Variants in ARFIP1 observed in about 807,000 individuals in gnomAD.
ARFIP1 encodes the protein arfaptin-1.
In ARFIP1, 24 loss-of-function variants were observed where a neutral mutation model predicts 42.5. The ratio of observed to expected loss-of-function variants is 0.57; its 90% confidence interval spans 0.41 to 0.80. The LOEUF (loss-of-function observed/expected upper bound fraction) is 0.80, where lower values mean the gene tolerates loss of function less well. ARFIP1 is among the 30% of genes least tolerant of loss of function. The pLI is 0.00. For missense variants in ARFIP1, 354 were observed against 434.0 expected, an observed-to-expected ratio of 0.82 and a Z score of 1.64; for synonymous variants, 141 against 153.7, an observed-to-expected ratio of 0.92 and a Z score of 0.61.
At chr4:152,875,889 G>T (rs149492630) in intron 5 of ARFIP1, among the ~76,000 whole-genome samples, 1 of 151,908 alleles carries the variant, frequency 6.6e-6, no homozygotes, top group Admixed American at 6.6e-5. Flanking sequence ...TGCTATTCTC[G>T]TGATAGTGAA....
intron 3 of ARFIP1, among the ~76,000 whole-genome samples, chr4:152,865,279 G>A (rs1244589722): frequency 6.6e-6 from 1 of 152,010 alleles, no homozygotes; most frequent in African/African-American, 2.4e-5. Context: ...TGGGATTACA[G>A]GCGCCTGCCA....
intron 2 of ARFIP1, among the ~76,000 whole-genome samples, chr4:152,849,634 G>T (rs1732827361): frequency 6.6e-6 from 1 of 152,060 alleles, no homozygotes; most frequent in Admixed American, 6.6e-5. Flanking sequence ...ATGGGAGAGA[G>T]GGAGAAAAGA....
In ARFIP1 at chr4:152,821,251, T is replaced by C. The variant is rs140422141; in HGVS notation, c.-9-8374T>C. Among the ~76,000 whole-genome samples, 87 of 152,194 alleles carry C rather than the reference T, an allele frequency of 5.7e-4. No homozygotes were observed. The South Asian group carries it at 8.7e-3, about 15-fold the overall frequency. ...AAACCAACATAAATTTAAAAAACAA[T>C]TCAGGATATGAATGAAAATTTTCTA... On this transcript the variant is annotated intron_variant, in intron 1 of 8. Coordinates refer to ENST00000353617, the MANE Select transcript of ARFIP1 (RefSeq NM_001025595.3).
At chr4:152,815,069 CCTT>C (rs1729760958) in intron 1 of ARFIP1, among the ~76,000 whole-genome samples, 1 of 152,180 alleles carries the variant, frequency 6.6e-6, no homozygotes, top group Non-Finnish European at 1.5e-5. Flanking sequence ...TTATGTTTCT[CCTT>C]CTACCTTACA....
chr4:152,847,754 T>A (rs1732679750), intron 2 of ARFIP1, among the ~76,000 whole-genome samples: 1 of 152,132 alleles, frequency 6.6e-6, no homozygotes. Flanking sequence ...ACCATGAGTT[T>A]AAGAGCAGAA....
chr4:152,836,496 T>C (rs1447873952), intron 2 of ARFIP1, among the ~76,000 whole-genome samples: 1 of 152,188 alleles, frequency 6.6e-6, no homozygotes, highest in African/African-American at 2.4e-5. Flanking sequence ...TGATTGTATA[T>C]GTGTGGGTCT....
intron 1 of ARFIP1, among the ~76,000 whole-genome samples, chr4:152,823,560 C>G (rs1292099176): frequency 6.6e-6 from 1 of 152,070 alleles, no homozygotes; most frequent in African/African-American, 2.4e-5. Context: ...GCAGAGATCA[C>G]TTGAGGTCAG....
intron 2 of ARFIP1, among the ~76,000 whole-genome samples, chr4:152,840,476 A>G (rs1177078620): frequency 6.6e-6 from 1 of 152,198 alleles, no homozygotes; most frequent in Non-Finnish European, 1.5e-5. Context: ...TTTTCCTGCT[A>G]GACAAGGCCT....
rs147305327 is a variant in ARFIP1, at chr4:152,903,847, G to C, written c.967-6217G>C. Among the ~76,000 whole-genome samples, 96 of 151,952 alleles carry C rather than the reference G, an allele frequency of 6.3e-4. 1 individual carries two copies. Among genetic ancestry groups the C allele is most frequent in the African/African-American group, 2.2e-3 (93 of 41,436 alleles). ...TCTGTGTTTAGTCAGCTACTTGGGG[G>C]TGGGGAAACAAACTGACTTATATTG... On this transcript the variant is annotated intron_variant, in intron 8 of 8. Transcript: ENST00000353617.
chr4:152,808,075 G>A lies in ARFIP1; in HGVS notation c.-9-21550G>A, dbSNP rs576205608. ...GGCTCACTGCAGCCTCCGCCTCCCA[G>A]GTTCAAGTGATTCTCCTGCCTCAGC... On this transcript the variant is annotated intron_variant, in intron 1 of 8. Transcript: ENST00000353617. Among the ~76,000 whole-genome samples the A allele has an allele frequency of 3.5e-4, 53 of 152,130 alleles. 1 individual carries two copies. Among genetic ancestry groups the A allele is most frequent in the Non-Finnish European group, 5.1e-4 (35 of 67,986 alleles).
rs7695168 is a variant in ARFIP1 at position 152,872,504 on chromosome 4, T to C, written c.351T>C (p.Ile117=). The change falls in exon 5 of 9, where the codon ATT becomes ATC. Residue 117 remains isoleucine, a synonymous_variant. Transcript: ENST00000353617. ...GACCAGTTATTCTAGCAGATGAAAT[T>C]AAAAATCCTGCAATGGAAAAGTTAG... ...KSGPVILADE[I]KNPAMEKLEL... 11 of 1,612,014 alleles carry C rather than the reference T, an allele frequency of 6.8e-6. No individual in the cohort carries two copies. In the African/African-American group the frequency reaches 1.5e-4, roughly 22 times the overall value.
At chr4:152,889,627 ATATAG>A (rs1305699311) in intron 8 of ARFIP1, among the ~76,000 whole-genome samples, 1 of 129,908 alleles carries the variant, frequency 7.7e-6, no homozygotes, top group Non-Finnish European at 1.6e-5. Context: ...TATATATACT[ATATAG>A]TATATATATG....
chr4:152,843,533 CA>C (rs1732275911), intron 2 of ARFIP1, among the ~76,000 whole-genome samples: 1 of 152,086 alleles, frequency 6.6e-6, no homozygotes, highest in South Asian at 2.1e-4. Flanking sequence ...GAGGGACCAT[CA>C]GGTAGGGGCA....
At chr4:152,818,008 A>G (rs1277038041) in intron 1 of ARFIP1, among the ~76,000 whole-genome samples, 1 of 152,242 alleles carries the variant, frequency 6.6e-6, no homozygotes, top group Non-Finnish European at 1.5e-5. Context: ...TGATGGTGGA[A>G]ATGTAAAATG....
intron 2 of ARFIP1, among the ~76,000 whole-genome samples, chr4:152,829,933 T>G (rs1731140050): frequency 6.6e-6 from 1 of 152,140 alleles, no homozygotes; most frequent in African/African-American, 2.4e-5. Flanking sequence ...TATTAGGCTT[T>G]GGTTTATTTT....
chr4:152,804,170 A>T (rs1196165318), intron 1 of ARFIP1, among the ~76,000 whole-genome samples: 1 of 119,138 alleles, frequency 8.4e-6, no homozygotes, highest in Non-Finnish European at 1.6e-5. Flanking sequence ...ATATAATATA[A>T]CATGTATTAT....
intron 2 of ARFIP1, among the ~76,000 whole-genome samples, chr4:152,850,161 A>C (rs1249498687): frequency 6.6e-6 from 1 of 152,198 alleles, no homozygotes; most frequent in East Asian, 1.9e-4. Context: ...CATGGAACAG[A>C]TTTTAAGTGT....
intron 1 of ARFIP1, among the ~76,000 whole-genome samples, chr4:152,791,498 G>T (rs952115574): frequency 2.6e-5 from 4 of 152,060 alleles, no homozygotes; most frequent in Non-Finnish European, 5.9e-5. Flanking sequence ...GTCTTTTCCA[G>T]GTTTTAAGCA....
intron 2 of ARFIP1, among the ~76,000 whole-genome samples, chr4:152,853,139 G>T (rs148106380): frequency 1.3e-5 from 2 of 152,188 alleles, no homozygotes; most frequent in African/African-American, 4.8e-5. Flanking sequence ...TTGGTTTTTG[G>T]TTATTTTGTA....
Sources: gnomAD v4.1 joint callset for allele counts (sites outside exome capture counted in the v4.1 genomes callset) on GRCh38, gnomAD v4.1.1 for gene constraint, MANE v1.5 for transcripts, NCBI Gene and HGNC (gene_info 2026-07-23, HGNC 2026-07-21) for gene names.